RAD21: variants seen among roughly 807,000 people sequenced by gnomAD.
RAD21 encodes double-strand-break repair protein rad21 homolog.
A neutral mutation model predicts 71.5 loss-of-function variants in RAD21; 18 were observed. The ratio of observed to expected loss-of-function variants is 0.25; its 90% CI spans 0.17 to 0.37. The LOEUF (loss-of-function observed/expected upper bound fraction) is 0.37. RAD21 is among the 10% of genes least tolerant of loss of function. The pLI is 1.00. For missense variants in RAD21, 493 were observed against 769.1 expected (o/e 0.64, Z 4.25); for synonymous variants, 248 against 254.0 (o/e 0.98, Z 0.22).
chr8:116,855,258 C>T (rs1318699857), intron 8 of RAD21, among the ~76,000 whole-genome samples: 1 of 152,136 alleles, frequency 6.6e-6, no homozygotes, highest in East Asian at 1.9e-4. Flanking sequence ...AAAGGGTAAT[C>T]TTGCTCTACT....
chr8:116,874,242 G>T (rs1363052980), intron 1 of RAD21: 1 of 152,218 alleles, frequency 6.6e-6, no homozygotes, highest in Non-Finnish European at 1.5e-5. Context: ...GAGCGGGCTC[G>T]TTCAAACCTC....
At position 116,846,142 on chromosome 8, in the gene RAD21, T is replaced by C; in HGVS notation, c.*1358A>G. 4.3e-6 allele frequency: 1 copy of C among 231,210 alleles called. No homozygotes were observed. Among genetic ancestry groups the C allele is most frequent in the Non-Finnish European group, 8.6e-6 (1 of 116,586 alleles). The allele number at this position is 231,210 out of a possible 1,614,324, so 14.3% of individuals were successfully genotyped here. A position where few individuals can be genotyped will look rare whatever the true frequency, so the allele number is the denominator to read the frequency against. On this transcript the variant is annotated 3_prime_UTR_variant, in exon 14 of 14. Coordinates refer to ENST00000297338, the MANE Select transcript of RAD21 (RefSeq NM_006265.3). ...AACTCCTTGGTTTACAGGCACATCA[T>C]ATTGAATGTAAAGCTGCAATAGCAA...
chr8:116,873,723 C>T (rs912029083), intron 1 of RAD21, among the ~76,000 whole-genome samples: 1 of 151,766 alleles, frequency 6.6e-6, no homozygotes, highest in Non-Finnish European at 1.5e-5. Flanking sequence ...TGAAGAAGGC[C>T]GCTAAGTCTG....
At chr8:116,860,602 T>A (rs1364064838) in intron 4 of RAD21, among the ~76,000 whole-genome samples, 4 of 152,190 alleles carry the variant, frequency 2.6e-5, no homozygotes, top group Non-Finnish European at 5.9e-5. Flanking sequence ...TTGCAGTATT[T>A]TTAAGATAAG....
rs547272219 is a variant in RAD21 at position 116,847,590 on chromosome 8, A to T, written c.1806T>A (p.Val602=). ...QAAAKFYSFL[V]LKKQQAIELT... is the part of the protein sequence containing the mutation. ...GCTCAATAGCTTGCTGCTTTTTAAGAACCAAGAAGCTGTAGAACTTTGCGG... is the reference window on the plus strand; with the variant it reads ...GCTCAATAGCTTGCTGCTTTTTAAGTACCAAGAAGCTGTAGAACTTTGCGG... The change falls in exon 14 of 14, where the codon GTT becomes GTA. Residue 602 remains valine (V), a synonymous_variant. Transcript: ENST00000297338. 17 of 1,614,108 alleles carry T rather than the reference A, an allele frequency of 1.1e-5. No individual in the cohort carries two copies. In the East Asian group the frequency reaches 3.8e-4, roughly 36 times the overall value.
At chr8:116,863,323 T>TA in intron 2 of RAD21, 64 bp from the exon 3 acceptor site, 1 of 1,520,582 alleles carries the variant, frequency 6.6e-7, no homozygotes, top group South Asian at 1.3e-5. Flanking sequence ...GTCTTCTTTT[T>TA]ATCTTTTTCC....
chr8:116,856,584 GGTAA>G (rs1812472330), intron 7 of RAD21, 58 bp downstream of exon 7: 9 of 1,486,268 alleles, frequency 6.1e-6, no homozygotes, highest in African/African-American at 1.4e-5. Flanking sequence ...CATCTTCTAT[GGTAA>G]GTATCTTTCT....
At chr8:116,857,034 G>GA (rs1353848877) in intron 6 of RAD21, among the ~76,000 whole-genome samples, 1 of 151,946 alleles carries the variant, frequency 6.6e-6, no homozygotes, top group Non-Finnish European at 1.5e-5. Context: ...AACACAAACA[G>GA]AACAGTTTTA....
intron 1 of RAD21, 22 bp from the exon 2 acceptor site, chr8:116,866,783 A>C (rs1289644828): frequency 1.2e-5 from 18 of 1,481,864 alleles, no homozygotes; most frequent in Non-Finnish European, 9.0e-6. Context: ...AAAAAAAGTT[A>C]ATGTAAACAT....
Position 116,848,836 on chromosome 8 carries a change from G to C in RAD21, c.1704+110C>G, listed in dbSNP as rs562148262. The C allele has an allele frequency of 5.9e-5, 42 of 712,394 alleles. No individual in the cohort carries two copies. In the African/African-American group the frequency reaches 7.1e-4, roughly 12 times the overall value. The allele number at this position is 712,394 out of a possible 1,614,324, so 44.1% of individuals were successfully genotyped here. On this transcript the variant is annotated intron_variant, in intron 13 of 13. Transcript: ENST00000297338. The stretch of plus-strand genomic sequence containing the variant: ...AAATAAAAATGTAGTTTTGGAAAAA[G>C]TTTGACAAAGGTATGCTTTCTGTTT...
At chr8:116,854,495 A>G (rs1398136286) in intron 8 of RAD21, 27 bp from the exon 9 acceptor site, 1 of 1,572,708 alleles carries the variant, frequency 6.4e-7, no homozygotes, top group South Asian at 1.1e-5. Flanking sequence ...AAATAAGATC[A>G]TTTTCCTGAG....
intron 12 of RAD21, 46 bp downstream of exon 12, chr8:116,850,572 T>G (rs754787513): frequency 1.3e-6 from 2 of 1,592,492 alleles, no homozygotes; most frequent in Admixed American, 1.7e-5. Flanking sequence ...TAAAGCTGGT[T>G]GGAGGTTTTT....
chr8:116,861,998 G>C (rs1039609241), intron 3 of RAD21, 58 bp from the exon 4 acceptor site: 4 of 1,344,056 alleles, frequency 3.0e-6, no homozygotes, highest in Non-Finnish European at 4.3e-6. Context: ...CTAGGGATCA[G>C]AGGGAGATAA....
chr8:116,850,660 C>T lies in RAD21; in HGVS notation c.1578G>A (p.Glu526=). 3 of 1,611,424 alleles carry T rather than the reference C, an allele frequency of 1.9e-6. No individual in the cohort carries two copies. The highest frequency in any genetic ancestry group is 2.5e-6 in the Non-Finnish European group (3 of 1,177,734). ...IPELELLPEK[E]KEKEKEKEDD... ...CTTCTTTTTCCTTCTCTTTCTCCTT[C>T]TCTTTTTCTGGCAGAAGTTCTAACT... is the stretch of plus-strand genomic sequence containing the variant. Residue 526 remains glutamate, a synonymous_variant, in exon 12 of 14, where the codon GAG becomes GAA. Coordinates refer to ENST00000297338, the MANE Select transcript of RAD21 (RefSeq NM_006265.3).
rs1256847753 is a variant in RAD21, at chr8:116,874,744, G to A, written c.-166C>T. On this transcript the variant is annotated 5_prime_UTR_variant, in exon 1 of 14. Coordinates refer to ENST00000297338, the MANE Select transcript of RAD21 (RefSeq NM_006265.3). ...AGCTCCCGCCGCCGCCACAGCCGGCGCCTCCTTTCCGATTCACTCAAACAA... is the reference window on the plus strand; with the variant it reads ...AGCTCCCGCCGCCGCCACAGCCGGCACCTCCTTTCCGATTCACTCAAACAA... 4.4e-6 allele frequency: 2 copies of A among 454,768 alleles called. No homozygotes were observed. The highest frequency in any genetic ancestry group is 8.9e-6 in the Non-Finnish European group (2 of 225,912). 28.2% of individuals were successfully genotyped at this position (454,768 alleles called of 1,614,324 possible).
Position 116,850,760 on chromosome 8 carries a change from T to C in RAD21, c.1478A>G (p.Gln493Arg), listed in dbSNP as rs775189650. 1.3e-6 allele frequency: 2 copies of C among 1,592,786 alleles called. No individual in the cohort carries two copies. Among genetic ancestry groups the C allele is most frequent in the South Asian group, 2.2e-5 (2 of 90,582 alleles). The change falls in exon 12 of 14, where the codon CAG becomes CGG. Residue 493 changes from glutamine to arginine, a missense_variant. By Grantham distance (43) the Gln-to-Arg change is conservative. Coordinates refer to ENST00000297338, the MANE Select transcript of RAD21 (RefSeq NM_006265.3). ...IDPEPVMPPQ[Q>R]VEQMEIPPVE... ...AGGTGGTATTTCCATCTGCTCTACC[T>C]GCTGAGGCTTAAAGCAATACAAATA...
At chr8:116,858,554 T>C (rs555355758) in intron 4 of RAD21, 96 bp from the exon 5 acceptor site, 11 of 886,490 alleles carry the variant, frequency 1.2e-5, no homozygotes, top group African/African-American at 3.4e-5. Flanking sequence ...AAAATATATA[T>C]GTATAACCCA....
At position 116,847,466 on chromosome 8, in the gene RAD21, T is replaced by G; in HGVS notation, c.*34A>C. The G allele has an allele frequency of 6.4e-7, 1 of 1,551,078 alleles. No individual in the cohort carries two copies. Among genetic ancestry groups the G allele is most frequent in the Non-Finnish European group, 8.7e-7 (1 of 1,146,088 alleles). Reference sequence around the variant, plus strand: ...CATGGGGGCAATTTGTAAGCACTAGTGAATCAAACACTAGCTATAATGCTT... The same window carrying G: ...CATGGGGGCAATTTGTAAGCACTAGGGAATCAAACACTAGCTATAATGCTT... On this transcript the variant is annotated 3_prime_UTR_variant, in exon 14 of 14. Transcript: ENST00000297338.
intron 1 of RAD21, 33 bp from the exon 2 acceptor site, chr8:116,866,794 C>T (rs1812703285): frequency 2.1e-6 from 3 of 1,424,080 alleles, no homozygotes; most frequent in South Asian, 3.2e-5. Flanking sequence ...ATGTAAACAT[C>T]ATCTGACAAT....
Sources: gnomAD v4.1 joint callset for allele counts (sites outside exome capture counted in the v4.1 genomes callset) on GRCh38, gnomAD v4.1.1 for gene constraint, MANE v1.5 for transcripts, NCBI Gene and HGNC (gene_info 2026-07-23, HGNC 2026-07-21) for gene names.